The following OSBPL10 variants were observed in gnomAD, a reference collection of about 807,000 sequenced individuals.
OSBPL10 encodes oxysterol binding protein like 10, also known as oxysterol-binding protein-related protein 10.
A neutral mutation model predicts 81.7 loss-of-function variants in OSBPL10; 49 were observed. The observed-to-expected ratio is 0.60, with a 90% CI of 0.48 to 0.76. The LOEUF (loss-of-function observed/expected upper bound fraction) is 0.76, where lower values mean the gene tolerates loss of function less well. Among genes scored for constraint, OSBPL10 ranks in the 30% least tolerant of loss-of-function variants. The probability of loss-of-function intolerance (pLI) is 0.00; values close to 1 mark genes in which losing one functional copy is unlikely to be tolerated. For synonymous variants in OSBPL10, 419 were observed against 383.6 expected, an observed-to-expected ratio of 1.09 and a Z score of -1.08; for missense variants, 923 against 987.8, an observed-to-expected ratio of 0.93 and a Z score of 0.88.
chr3:31,664,373 A>T, intron 10 of OSBPL10, 141 bp from the exon 11 acceptor site: 2 of 744,632 alleles, frequency 2.7e-6, no homozygotes, highest in Non-Finnish European at 2.2e-6. Context: ...TACCTCAAAG[A>T]CCCCGAGAGC....
At chr3:31,706,540 A>G (rs931322717) in intron 6 of OSBPL10, among the ~76,000 whole-genome samples, 7 of 152,000 alleles carry the variant, frequency 4.6e-5, no homozygotes, top group African/African-American at 1.7e-4. Context: ...TCTGCTTCTT[A>G]TCTAGTAAGG....
At chr3:32,032,221 C>T (rs762793576) in intron 2 of OSBPL10, among the ~76,000 whole-genome samples, 2 of 152,094 alleles carry the variant, frequency 1.3e-5, no homozygotes, top group Non-Finnish European at 2.9e-5. Flanking sequence ...GAGTTCAAGA[C>T]CAGCCTGGCC....
intron 4 of OSBPL10, among the ~76,000 whole-genome samples, chr3:31,761,413 A>C (rs1698035259): frequency 6.6e-6 from 1 of 151,066 alleles, no homozygotes; most frequent in Non-Finnish European, 1.5e-5. Context: ...TGGAGGTTGC[A>C]GTGAGCCAAG....
In OSBPL10 at chr3:31,661,104, C is replaced by T. The variant is rs1310512140; in HGVS notation, c.*968G>A. The T allele has an allele frequency of 6.6e-6, 1 of 152,500 alleles. No homozygotes were observed. Among genetic ancestry groups the T allele is most frequent in the African/African-American group, 2.4e-5 (1 of 41,380 alleles). 9.4% of individuals were successfully genotyped at this position (152,500 alleles called of 1,614,324 possible). Reference sequence around the variant, plus strand: ...TGAAACCATGGAATATTTATGCAGGCGTTATGTATGTTTTAGTCACAGTGC... The same window carrying T: ...TGAAACCATGGAATATTTATGCAGGTGTTATGTATGTTTTAGTCACAGTGC... On this transcript the variant is annotated 3_prime_UTR_variant, in exon 12 of 12. Coordinates refer to ENST00000396556, the MANE Select transcript of OSBPL10 (RefSeq NM_017784.5).
At chr3:31,694,370 CAAAAAAA>C (rs747631578) in intron 7 of OSBPL10, among the ~76,000 whole-genome samples, 2 of 62,826 alleles carry the variant, frequency 3.2e-5, no homozygotes, top group Non-Finnish European at 5.2e-5. Flanking sequence ...GACTCTGTCT[CAAAAAAA>C]AAAAAAAAAA....
At chr3:31,798,365 G>A (rs1036583529) in intron 4 of OSBPL10, among the ~76,000 whole-genome samples, 4 of 151,322 alleles carry the variant, frequency 2.6e-5, no homozygotes, top group Admixed American at 2.6e-4. Flanking sequence ...GGGAGGCAGA[G>A]GTTGCAGTGA....
intron 4 of OSBPL10, among the ~76,000 whole-genome samples, chr3:31,797,133 T>C (rs1009862420): frequency 6.6e-6 from 1 of 151,860 alleles, no homozygotes; most frequent in African/African-American, 2.4e-5. Flanking sequence ...TAGCTGGGAT[T>C]ACAGGCATGC....
chr3:31,886,608 G>A (rs1320632899), intron 1 of OSBPL10, among the ~76,000 whole-genome samples: 2 of 152,188 alleles, frequency 1.3e-5, no homozygotes, highest in Non-Finnish European at 2.9e-5. Flanking sequence ...ACCCTGTCTC[G>A]TCCTGACCAA....
At chr3:31,706,165 G>A (rs1469061860) in intron 6 of OSBPL10, among the ~76,000 whole-genome samples, 3 of 152,220 alleles carry the variant, frequency 2.0e-5, no homozygotes, top group African/African-American at 7.2e-5. Context: ...AGAACGATAA[G>A]CGAAAAATCA....
At chr3:31,667,538 CTT>C in intron 10 of OSBPL10, among the ~76,000 whole-genome samples, 1 of 152,338 alleles carries the variant, frequency 6.6e-6, no homozygotes, top group Middle Eastern at 3.4e-3. Flanking sequence ...GTTACAAACT[CTT>C]GTAGTAATAG....
At chr3:31,735,748 C>G (rs989523377) in intron 5 of OSBPL10, among the ~76,000 whole-genome samples, 1 of 151,950 alleles carries the variant, frequency 6.6e-6, no homozygotes, top group Non-Finnish European at 1.5e-5. Flanking sequence ...CTCAGAGAGA[C>G]CTTCTGGGAC....
At chr3:31,791,339 A>C (rs2125423184) in intron 4 of OSBPL10, among the ~76,000 whole-genome samples, 1 of 152,332 alleles carries the variant, frequency 6.6e-6, no homozygotes, top group Middle Eastern at 3.4e-3. Flanking sequence ...CCATTTTGTA[A>C]AAGCAAATTG....
chr3:31,845,103 T>C (rs1213436033), intron 3 of OSBPL10, among the ~76,000 whole-genome samples: 2 of 151,354 alleles, frequency 1.3e-5, no homozygotes, highest in African/African-American at 4.9e-5. Context: ...CCATTGTATG[T>C]ATTTTATGTC....
At chr3:32,030,446 T>C in intron 2 of OSBPL10, 1 of 681,536 alleles carries the variant, frequency 1.5e-6, no homozygotes, top group Non-Finnish European at 2.7e-6. Context: ...AAGGGCAAGA[T>C]TCTTGCCAAG....
chr3:32,046,751 C>T (rs1699625809), intron 1 of OSBPL10: 1 of 152,220 alleles, frequency 6.6e-6, no homozygotes, highest in Non-Finnish European at 1.5e-5. Context: ...CTATCATTTA[C>T]ATGATTTCAT....
Position 31,956,389 on chromosome 3 carries a change from T to C in OSBPL10, c.281+24510A>G, listed in dbSNP as rs183820144. Among the ~76,000 whole-genome samples the C allele has an allele frequency of 3.9e-5, 6 of 152,256 alleles. No homozygotes were observed. In the East Asian group the frequency reaches 1.2e-3, roughly 29 times the overall value. ...AGCAAACTGAGCAAAGCTTTCCAAA[T>C]GTTCCAGGTAAGAGGGACAACAGAG... On this transcript the variant is annotated intron_variant, in intron 1 of 11. Transcript: ENST00000396556.
chr3:31,831,828 A>G lies in OSBPL10; in HGVS notation c.538-1597T>C, dbSNP rs564095706. ...GAACAGCAATCAGCAGACCCATCAC[A>G]GATACAAACACATCTCCCCCTGGCT... On this transcript the variant is annotated intron_variant, in intron 3 of 11. Transcript: ENST00000396556. Among the ~76,000 whole-genome samples, 154 of 152,324 alleles carry G rather than the reference A, an allele frequency of 1.0e-3. 2 individuals are homozygous for G. Among genetic ancestry groups the G allele is most frequent in the African/African-American group, 3.6e-3 (150 of 41,570 alleles).
intron 4 of OSBPL10, among the ~76,000 whole-genome samples, chr3:31,801,998 T>G (rs184979368): frequency 2.7e-4 from 41 of 151,882 alleles, no homozygotes; most frequent in Non-Finnish European, 4.1e-4. Flanking sequence ...TAATTTTGTA[T>G]TTTTAGTAGA....
chr3:31,917,469 C>T (rs890827694), intron 1 of OSBPL10, among the ~76,000 whole-genome samples: 1 of 151,958 alleles, frequency 6.6e-6, no homozygotes, highest in African/African-American at 2.4e-5. Flanking sequence ...CAAGTGCAAC[C>T]TATGCAAATA....
Sources: allele counts gnomAD v4.1 joint callset (sites outside exome capture counted in the v4.1 genomes callset), GRCh38; gene constraint gnomAD v4.1.1; transcripts MANE v1.5; gene names NCBI Gene and HGNC (gene_info 2026-07-23, HGNC 2026-07-21).